The following SPECC1L variants were observed in gnomAD, a reference collection of about 807,000 sequenced individuals.
The protein encoded by SPECC1L is cytospin-A.
SPECC1L carries 40 observed loss-of-function variants against 116.8 expected under a neutral mutation model. The ratio of observed to expected loss-of-function variants is 0.34; its 90% CI spans 0.27 to 0.45. The LOEUF is 0.45. SPECC1L is among the 20% of genes least tolerant of loss of function. The pLI is 1.00. For synonymous variants in SPECC1L, 504 were observed against 500.6 expected (o/e 1.01, Z -0.09); for missense variants, 1,110 against 1,373.6 (o/e 0.81, Z 3.03).
chr22:24,355,804 TCTCC>T (rs1178311605), intron 11 of SPECC1L, among the ~76,000 whole-genome samples: 1 of 151,418 alleles, frequency 6.6e-6, no homozygotes, highest in Admixed American at 6.6e-5. Context: ...CCTCCCCTTC[TCTCC>T]CTCCCTCCCC....
chr22:24,343,562 G>A (rs1235363822), intron 10 of SPECC1L: 1 of 418,022 alleles, frequency 2.4e-6, no homozygotes, highest in Non-Finnish European at 4.8e-6. Context: ...CTGGGTTCAA[G>A]TGATTCTCCT....
chr22:24,300,774 G>C, intron 2 of SPECC1L, among the ~76,000 whole-genome samples: 1 of 152,118 alleles, frequency 6.6e-6, no homozygotes, highest in Non-Finnish European at 1.5e-5. Flanking sequence ...TTGATATATA[G>C]ACCAATGGAA....
At chr22:24,295,278 T>C (rs1305639067) in intron 2 of SPECC1L, among the ~76,000 whole-genome samples, 1 of 150,910 alleles carries the variant, frequency 6.6e-6, no homozygotes, top group Non-Finnish European at 1.5e-5. Context: ...ATATTTTAAA[T>C]TTAAAAGTAG....
At chr22:24,320,893 G>T (rs753412829) in intron 4 of SPECC1L, among the ~76,000 whole-genome samples, 2 of 152,076 alleles carry the variant, frequency 1.3e-5, no homozygotes, top group African/African-American at 4.8e-5. Flanking sequence ...GTTTACCACC[G>T]ACTGGCTAAT....
chr22:24,313,779 C>T (rs369406851), intron 4 of SPECC1L, among the ~76,000 whole-genome samples: 1 of 147,078 alleles, frequency 6.8e-6, no homozygotes, highest in South Asian at 2.2e-4. Flanking sequence ...GTCTTAGTCA[C>T]GCAGGCTGAA....
At chr22:24,277,331 A>G (rs2048856117) in intron 2 of SPECC1L, among the ~76,000 whole-genome samples, 1 of 152,206 alleles carries the variant, frequency 6.6e-6, no homozygotes, top group Non-Finnish European at 1.5e-5. Context: ...TTATCCATGT[A>G]TTCATTTGCA....
At chr22:24,359,073 T>C (rs1356651244) in intron 11 of SPECC1L, among the ~76,000 whole-genome samples, 2 of 152,198 alleles carry the variant, frequency 1.3e-5, no homozygotes, top group East Asian at 3.8e-4. Flanking sequence ...CTTTCTGTCA[T>C]TTAAAAATAC....
rs575273456 is a variant in SPECC1L, at chr22:24,295,679, C to T, written c.-37-6516C>T. Among the ~76,000 whole-genome samples, 5 of 152,266 alleles carry T rather than the reference C, an allele frequency of 3.3e-5. No homozygotes were observed. In the South Asian group the frequency reaches 1.0e-3, roughly 32 times the overall value. On this transcript the variant is annotated intron_variant, in intron 2 of 16. Coordinates refer to ENST00000314328, the MANE Select transcript of SPECC1L (RefSeq NM_015330.6). ...TAAGAATACCAGCACGGGCCCGGCGCGGTGGCTCACACTTGTAATCTCAGC... is the reference window on the plus strand; with the variant it reads ...TAAGAATACCAGCACGGGCCCGGCGTGGTGGCTCACACTTGTAATCTCAGC...
chr22:24,316,810 G>T (rs2040579478), intron 4 of SPECC1L, among the ~76,000 whole-genome samples: 1 of 146,176 alleles, frequency 6.8e-6, no homozygotes, highest in South Asian at 2.2e-4. Context: ...TCCCAGACGG[G>T]GTGGTGGCCG....
rs2042034885 is a variant in SPECC1L at position 24,379,949 on chromosome 22, C to CA, written c.3087+10630dup. On this transcript the variant is annotated intron_variant, in intron 14 of 16. Transcript: ENST00000314328. ...CACAATCTCGGCTCACTGCAGCCTC[C>CA]ATCTCCTGGGATGCATCTCCATCTC... Among the ~76,000 whole-genome samples, 4 of 152,298 alleles carry CA rather than the reference C, an allele frequency of 2.6e-5. No homozygotes were observed. In the South Asian group the frequency reaches 8.3e-4, roughly 32 times the overall value.
In SPECC1L at chr22:24,278,832, A is replaced by G. The variant is rs1601483732; in HGVS notation, c.-38+2029A>G. 3.3e-5 allele frequency among the ~76,000 whole-genome samples: 5 copies of G among 152,362 alleles called. No individual in the cohort carries two copies. The South Asian group carries it at 1.0e-3, about 32-fold the overall frequency. On this transcript the variant is annotated intron_variant, in intron 2 of 16. Transcript: ENST00000314328. ...CTTTGCAGGTGAAAGTGGAAACACC[A>G]TCGTAAAATGTAAAATAGGAAACAG...
intron 10 of SPECC1L, chr22:24,343,459 T>C (rs1382374484): frequency 4.5e-6 from 2 of 447,150 alleles, no homozygotes; most frequent in Admixed American, 4.8e-5. Context: ...TGTTTTTTTT[T>C]TGTTTTGTTT....
At position 24,416,686 on chromosome 22, in the gene SPECC1L, C is replaced by G. The variant is rs1462465817; in HGVS notation, c.*2063C>G. ...CCTGGTCTGCAGTTCCCAACTTTATCCCTTGCTGGCCATGCGAGCCCAGCC... is the reference window on the plus strand; with the variant it reads ...CCTGGTCTGCAGTTCCCAACTTTATGCCTTGCTGGCCATGCGAGCCCAGCC... On this transcript the variant is annotated 3_prime_UTR_variant, in exon 17 of 17. Coordinates refer to ENST00000314328, the MANE Select transcript of SPECC1L (RefSeq NM_015330.6). The G allele has an allele frequency of 1.3e-5, 2 of 152,284 alleles. No homozygotes were observed. Among genetic ancestry groups the G allele is most frequent in the Admixed American group, 1.3e-4 (2 of 15,294 alleles). The allele number at this position is 152,284 out of a possible 1,614,324, so 9.4% of individuals were successfully genotyped here.
intron 14 of SPECC1L, among the ~76,000 whole-genome samples, chr22:24,409,140 T>C (rs79421602): frequency 0.034 from 5,135 of 152,332 alleles, 174 homozygotes; most frequent in African/African-American, 0.082. Context: ...TGTACAGATA[T>C]AGTTAATAAT....
intron 12 of SPECC1L, among the ~76,000 whole-genome samples, chr22:24,364,661 CAAAA>C (rs57580257): frequency 2.8e-5 from 3 of 105,434 alleles, no homozygotes; most frequent in Non-Finnish European, 5.8e-5. Flanking sequence ...GACTCCCTCT[CAAAA>C]AAAAAAAAAA....
intron 14 of SPECC1L, among the ~76,000 whole-genome samples, chr22:24,369,582 C>T (rs1437570392): frequency 6.6e-6 from 1 of 152,018 alleles, no homozygotes; most frequent in African/African-American, 2.4e-5. Context: ...GCCTGGAGTC[C>T]CAGCTACTTG....
At chr22:24,371,898 T>C (rs2041878880) in intron 14 of SPECC1L, among the ~76,000 whole-genome samples, 1 of 152,200 alleles carries the variant, frequency 6.6e-6, no homozygotes, top group Non-Finnish European at 1.5e-5. Context: ...ATTTTTGTAT[T>C]TTAGTAGAGA....
intron 11 of SPECC1L, among the ~76,000 whole-genome samples, chr22:24,350,720 C>T (rs1344303112): frequency 6.6e-6 from 1 of 152,200 alleles, no homozygotes; most frequent in East Asian, 1.9e-4. Context: ...CGTTTCCACT[C>T]TGCTGCTTGG....
rs2041829149 is a variant in SPECC1L at position 24,369,233 on chromosome 22, C to T, written c.3000C>T (p.Asp1000=). ...TTGTTTTCAGAGAAGAAAGGAAAGACCCTCTCTCAGCATTGGCCAGAGAAT... is the reference window on the plus strand; with the variant it reads ...TTGTTTTCAGAGAAGAAAGGAAAGATCCTCTCTCAGCATTGGCCAGAGAAT... ...TRSRIREERK[D]PLSALAREYG... The change falls in exon 14 of 17, where the codon GAC becomes GAT. Residue 1000 remains aspartate (D), a synonymous_variant. Coordinates refer to ENST00000314328, the MANE Select transcript of SPECC1L (RefSeq NM_015330.6). 6.8e-6 allele frequency: 11 copies of T among 1,612,936 alleles called. No individual in the cohort carries two copies. The highest frequency in any genetic ancestry group is 9.3e-6 in the Non-Finnish European group (11 of 1,179,010).
Sources: allele counts gnomAD v4.1 joint callset (sites outside exome capture counted in the v4.1 genomes callset), GRCh38; gene constraint gnomAD v4.1.1; transcripts MANE v1.5; gene names NCBI Gene and HGNC (gene_info 2026-07-23, HGNC 2026-07-21).